MICALL2: variants seen among roughly 807,000 people sequenced by gnomAD.
The protein encoded by MICALL2 is MICAL-like protein 2.
Under a neutral mutation model 91.1 loss-of-function variants are expected in MICALL2, and 111 were observed. That is an observed-to-expected ratio of 1.22 (90% CI 1.04 to 1.43). MICALL2 has a LOEUF of 1.43. MICALL2 is among the 40% of genes most tolerant of loss of function. MICALL2 has a pLI of 0.00. For missense variants in MICALL2, 1,556 were observed against 1,236.0 expected (o/e 1.26, Z -3.88); for synonymous variants, 694 against 525.3 (o/e 1.32, Z -4.39).
intron 15 of MICALL2, among the ~76,000 whole-genome samples, chr7:1,435,432 T>TGACCTGGACAGGAG (rs200212119): frequency 5.1e-4 from 77 of 151,020 alleles, no homozygotes; most frequent in African/African-American, 1.7e-3. Flanking sequence ...ACCACACCAG[T>TGACCTGGACAGGAG]GACCTGGACA....
At chr7:1,450,316 G>A (rs1780778801) in intron 1 of MICALL2, 28 bp from the exon 2 acceptor site, 2 of 1,605,090 alleles carry the variant, frequency 1.2e-6, no homozygotes. Context: ...GATGTCCAAA[G>A]CAGCTCAGAG....
At chr7:1,441,764 G>A (rs1346545555) in intron 7 of MICALL2, 6 of 219,284 alleles carry the variant, frequency 2.7e-5, no homozygotes, top group Non-Finnish European at 4.6e-5. Flanking sequence ...GGTATGTGGT[G>A]ACACAGGGTG....
chr7:1,446,700 A>G lies in MICALL2; in HGVS notation c.641+13T>C. ...GGTGCACACTCAGGCGTGCGGGCAG[A>G]GGGCAGCCCCACCTGAAGCAGCTCC... On this transcript the variant is annotated intron_variant, in intron 5 of 16. Transcript: ENST00000297508. 1 of 1,566,520 alleles carries G rather than the reference A, an allele frequency of 6.4e-7. No homozygotes were observed. The highest frequency in any genetic ancestry group is 1.2e-5 in the South Asian group (1 of 86,468).
chr7:1,441,907 G>T, intron 7 of MICALL2: 7 of 491,462 alleles, frequency 1.4e-5, no homozygotes, highest in Non-Finnish European at 2.5e-5. Flanking sequence ...AGACCGAGCT[G>T]AGCGGGACGC....
chr7:1,448,513 T>TGGGGG, intron 3 of MICALL2, 107 bp downstream of exon 3: 1 of 859,356 alleles, frequency 1.2e-6, no homozygotes, highest in Non-Finnish European at 1.8e-6. Context: ...GGGCCATTCT[T>TGGGGG]GGGGGGGGGG....
chr7:1,442,051 G>A, intron 7 of MICALL2, 141 bp downstream of exon 7: 4 of 959,448 alleles, frequency 4.2e-6, no homozygotes, highest in Non-Finnish European at 6.3e-6. Flanking sequence ...CTGCGAGCAG[G>A]TGTCACGGAG....
rs767131208 is a variant in MICALL2 at position 1,444,858 on chromosome 7, T to TG, written c.1211dup (p.Ala405SerfsTer15). ...TCCTGGAGGCGGACGGGGTCCAGGC[T>TG]GGGGGGTCCACCGTGGCTGCAGATG... is the stretch of plus-strand genomic sequence containing the variant. On this transcript the variant is annotated frameshift_variant, in exon 6 of 17. Coordinates refer to ENST00000297508, the MANE Select transcript of MICALL2 (RefSeq NM_182924.4). LOFTEE classifies it high-confidence loss of function. The TG allele has an allele frequency of 7.5e-6, 12 of 1,603,174 alleles. No homozygotes were observed. Among genetic ancestry groups the TG allele is most frequent in the Admixed American group, 3.4e-5 (2 of 59,436 alleles).
At position 1,438,983 on chromosome 7, in the gene MICALL2, G is replaced by A; in HGVS notation, c.1979C>T (p.Ser660Phe). 3 of 1,595,168 alleles carry A rather than the reference G, an allele frequency of 1.9e-6. No homozygotes were observed. Among genetic ancestry groups the A allele is most frequent in the South Asian group, 2.2e-5 (2 of 90,922 alleles). ...PGPSLPARSPSPPRRRRLAVP... is the reference protein window; with the variant it reads ...PGPSLPARSPFPPRRRRLAVP... ...GGCCAGTCTCCTGCGGCGGGGTGGG[G>A]AGGGGGACCTGGCTGCCCCCAGGTG... The change falls in exon 10 of 17, where the codon TCC becomes TTC. Residue 660 changes from serine to phenylalanine, a missense_variant. Physicochemically the swap from Ser to Phe is radical, Grantham distance 155. Transcript: ENST00000297508.
chr7:1,450,345 G>A (rs1306373224), intron 1 of MICALL2, 57 bp from the exon 2 acceptor site: 5 of 1,461,424 alleles, frequency 3.4e-6, no homozygotes, highest in Non-Finnish European at 4.8e-6. Context: ...GGGAGGGGCT[G>A]GAGGGCCTCA....
intron 1 of MICALL2, among the ~76,000 whole-genome samples, chr7:1,455,963 A>T (rs557966729): frequency 8.6e-5 from 13 of 152,044 alleles, no homozygotes; most frequent in Middle Eastern, 3.4e-3. Flanking sequence ...CCTGTCCCTC[A>T]CACGCGTTTC....
intron 1 of MICALL2, among the ~76,000 whole-genome samples, chr7:1,456,853 G>A (rs567940084): frequency 4.6e-5 from 7 of 152,240 alleles, no homozygotes; most frequent in Admixed American, 1.3e-4. Flanking sequence ...ATGACACTCC[G>A]GGTTTTCCAT....
intron 7 of MICALL2, chr7:1,441,902 G>A (rs371908926): frequency 2.2e-5 from 10 of 458,068 alleles, no homozygotes; most frequent in African/African-American, 4.0e-5. Context: ...CTGCCAGACC[G>A]AGCTGAGCGG....
At position 1,444,904 on chromosome 7, in the gene MICALL2, G is replaced by A. The variant is rs780850852; in HGVS notation, c.1166C>T (p.Thr389Ile). 6.4e-7 allele frequency: 1 copy of A among 1,560,404 alleles called. No homozygotes were observed. The highest frequency in any genetic ancestry group is 1.8e-5 in the Admixed American group (1 of 54,148). ...AGATGTGGAGCTTGAACTGAGTGTG[G>A]TTTGAGGAGCTGCCACTCGGGGGGC... ...GGAPRVAAPQ[T>I]TLSSSSTSAA... is the part of the protein sequence containing the mutation. The change falls in exon 6 of 17, where the codon ACC becomes ATC. Residue 389 changes from threonine to isoleucine, a missense_variant. Coordinates refer to ENST00000297508, the MANE Select transcript of MICALL2 (RefSeq NM_182924.4).
intron 1 of MICALL2, among the ~76,000 whole-genome samples, chr7:1,457,595 A>G (rs1206018150): frequency 6.6e-6 from 1 of 152,232 alleles, no homozygotes; most frequent in Non-Finnish European, 1.5e-5. Flanking sequence ...CTGAGGAGAT[A>G]CACAGCGACC....
intron 2 of MICALL2, 37 bp from the exon 3 acceptor site, chr7:1,448,798 G>C: frequency 1.2e-6 from 2 of 1,608,252 alleles, no homozygotes; most frequent in Non-Finnish European, 1.7e-6. Context: ...GGGCAGCTGG[G>C]AGCCCCCTCC....
At position 1,444,702 on chromosome 7, in the gene MICALL2, G is replaced by C. The variant is rs141317918; in HGVS notation, c.1368C>G (p.Leu456=). 3.1e-5 allele frequency: 50 copies of C among 1,612,272 alleles called. No individual in the cohort carries two copies. In the African/African-American group the frequency reaches 6.5e-4, roughly 21 times the overall value. Residue 456 remains leucine, a synonymous_variant, in exon 6 of 17, where the codon CTC becomes CTG. Coordinates refer to ENST00000297508, the MANE Select transcript of MICALL2 (RefSeq NM_182924.4). ...DSSKEQARNF[L]KQALSALEEA... is the part of the protein sequence containing the mutation. ...CTTCCAGCGCTGAGAGGGCCTGCTT[G>C]AGGAAGTTCCGCGCCTGCTCCTTGC...
Position 1,436,722 on chromosome 7 carries a change from C to T in MICALL2, c.2591+20G>A. 6.3e-7 allele frequency: 1 copy of T among 1,584,228 alleles called. No individual in the cohort carries two copies. ...GCGACCTGGCCTGGCTGGGAGGGGCCCCCGGCACCTGCCCCTCACCGGAGC... is the reference window on the plus strand; with the variant it reads ...GCGACCTGGCCTGGCTGGGAGGGGCTCCCGGCACCTGCCCCTCACCGGAGC... On this transcript the variant is annotated intron_variant, in intron 15 of 16. Coordinates refer to ENST00000297508, the MANE Select transcript of MICALL2 (RefSeq NM_182924.4).
chr7:1,443,302 G>A (rs745782535), intron 6 of MICALL2, among the ~76,000 whole-genome samples: 19 of 151,576 alleles, frequency 1.3e-4, no homozygotes, highest in African/African-American at 3.9e-4. Flanking sequence ...GAGCGAACTC[G>A]CTCTTCTCCT....
chr7:1,439,664 CAT>C (rs1381524211), intron 9 of MICALL2: 36 of 395,584 alleles, frequency 9.1e-5, no homozygotes, highest in African/African-American at 5.2e-4. Context: ...GCATCACACA[CAT>C]GAACACAGAT....
Sources: allele counts gnomAD v4.1 joint callset (sites outside exome capture counted in the v4.1 genomes callset), GRCh38; gene constraint gnomAD v4.1.1; transcripts MANE v1.5; gene names NCBI Gene and HGNC (gene_info 2026-07-23, HGNC 2026-07-21).